The following ALPL variants were observed in gnomAD, a reference collection of about 807,000 sequenced individuals.
The protein encoded by ALPL is alkaline phosphatase, biomineralization associated.
ALPL carries 42 observed loss-of-function variants against 51.3 expected under a neutral mutation model. The ratio of observed to expected loss-of-function variants is 0.82; its 90% confidence interval spans 0.64 to 1.06. The LOEUF is 1.06. Among genes scored for constraint, ALPL ranks in the 50% least tolerant of loss-of-function variants. The pLI is 0.00. For missense variants in ALPL, 589 were observed against 709.4 expected (o/e 0.83, Z 1.93); for synonymous variants, 279 against 296.4 (o/e 0.94, Z 0.60).
rs1277290744 is a variant in ALPL at position 21,578,167 on chromosome 1, A to C, written c.*519A>C. On this transcript the variant is annotated 3_prime_UTR_variant, in exon 12 of 12. Transcript: ENST00000374840. This position sits in a 1 kb window ranked among gnomAD's most constrained non-coding sequence, Gnocchi z 4.2. ...AGGACAAGGCCTTGCTCACTCACTC[A>C]CTCCAAGACCACCAGGGTCCCAGGA... 6.4e-6 allele frequency: 1 copy of C among 156,450 alleles called. No individual in the cohort carries two copies. Among genetic ancestry groups the C allele is most frequent in the Admixed American group, 6.1e-5 (1 of 16,298 alleles). The allele number at this position is 156,450 out of a possible 1,614,324, so 9.7% of individuals were successfully genotyped here.
At chr1:21,542,607 C>T (rs983684815) in intron 1 of ALPL, among the ~76,000 whole-genome samples, 4 of 152,084 alleles carry the variant, frequency 2.6e-5, no homozygotes, top group South Asian at 2.1e-4. Flanking sequence ...TTTGGGAGGC[C>T]GAGGCGGGCG....
intron 1 of ALPL, among the ~76,000 whole-genome samples, chr1:21,545,302 T>TG (rs1644239846): frequency 1.3e-5 from 2 of 152,076 alleles, no homozygotes; most frequent in African/African-American, 4.8e-5. Flanking sequence ...TGTTTTTGTT[T>TG]TTTTTTAAGA....
intron 10 of ALPL, 44 bp from the exon 11 acceptor site, chr1:21,576,477 TC>T: frequency 6.2e-7 from 1 of 1,608,028 alleles, no homozygotes; most frequent in African/African-American, 1.3e-5. Flanking sequence ...GGGACTGTAC[TC>T]CTGGGGCCCC....
rs577117068 is a variant in ALPL, at chr1:21,510,133, C to T, written c.-105+616C>T. ...TGGGCACCGCAGCTGTGGGGCAAAG[C>T]TCTGGAGCCCGCGAAGCCGAAGGAG... On this transcript the variant is annotated intron_variant, in intron 1 of 11. Transcript: ENST00000374840. 4.6e-5 allele frequency among the ~76,000 whole-genome samples: 7 copies of T among 152,260 alleles called. No homozygotes were observed. In the East Asian group the frequency reaches 1.4e-3, roughly 30 times the overall value.
At chr1:21,560,259 C>T (rs1570267653) in intron 2 of ALPL, among the ~76,000 whole-genome samples, 1 of 152,226 alleles carries the variant, frequency 6.6e-6, no homozygotes, top group Admixed American at 6.5e-5. Flanking sequence ...TAGCACAATT[C>T]ATTTGCTGCC....
intron 1 of ALPL, among the ~76,000 whole-genome samples, chr1:21,544,266 C>T (rs1223365408): frequency 6.6e-6 from 1 of 152,236 alleles, no homozygotes; most frequent in African/African-American, 2.4e-5. Context: ...CCCAGCAACA[C>T]ACACCTGGGA....
chr1:21,536,845 C>T (rs531400868), intron 1 of ALPL, among the ~76,000 whole-genome samples: 31 of 151,152 alleles, frequency 2.1e-4, no homozygotes, highest in African/African-American at 7.0e-4. Flanking sequence ...AGTGGAGAGC[C>T]GTAGAAACTT....
At chr1:21,533,369 C>G (rs1391415820) in intron 1 of ALPL, among the ~76,000 whole-genome samples, 1 of 152,220 alleles carries the variant, frequency 6.6e-6, no homozygotes, top group East Asian at 1.9e-4. Context: ...CATCTCCTTT[C>G]AGTTTGGTAG....
intron 1 of ALPL, chr1:21,551,488 G>A (rs1467544184): frequency 6.6e-6 from 1 of 151,846 alleles, no homozygotes; most frequent in Non-Finnish European, 1.5e-5. Flanking sequence ...TTCGTATTCA[G>A]TTAATAACAT....
In ALPL at chr1:21,522,556, T is replaced by C. The variant is rs535065353; in HGVS notation, c.-105+13039T>C. ...CATGTGTGTTCCAAATAACATAATA[T>C]GGGAACCACCTCCCCTACCAGCCTC... On this transcript the variant is annotated intron_variant, in intron 1 of 11. Coordinates refer to ENST00000374840, the MANE Select transcript of ALPL (RefSeq NM_000478.6). Among the ~76,000 whole-genome samples, 12 of 152,280 alleles carry C rather than the reference T, an allele frequency of 7.9e-5. 1 individual carries two copies. The South Asian group carries it at 2.5e-3, about 32-fold the overall frequency.
chr1:21,539,140 A>T lies in ALPL; in HGVS notation c.-104-14838A>T, dbSNP rs542910282. On this transcript the variant is annotated intron_variant, in intron 1 of 11. Coordinates refer to ENST00000374840, the MANE Select transcript of ALPL (RefSeq NM_000478.6). ...GTCTTGCCTCCTGTTTGAGGAGTTT[A>T]TGCTTAGTCCTGGGAGACAGAAACA... is the stretch of plus-strand genomic sequence containing the variant. 7.2e-5 allele frequency among the ~76,000 whole-genome samples: 11 copies of T among 152,256 alleles called. No homozygotes were observed. The East Asian group carries it at 1.5e-3, about 21-fold the overall frequency.
In ALPL at chr1:21,520,494, G is replaced by T. The variant is rs1301736985; in HGVS notation, c.-105+10977G>T. Among the ~76,000 whole-genome samples the T allele has an allele frequency of 6.7e-5, 9 of 134,738 alleles. No individual in the cohort carries two copies. In the Admixed American group the frequency reaches 7.4e-4, roughly 11 times the overall value. The allele number at this position is 134,738 out of a possible 152,430, so 88.4% of individuals were successfully genotyped here. On this transcript the variant is annotated intron_variant, in intron 1 of 11. Transcript: ENST00000374840. ...TTTTTTTTTTTTTTTTTGAGACGGA[G>T]TCTCGCCCTGTCGCCCAGGATGGAG...
At chr1:21,575,679 A>G (rs1207043328) in intron 9 of ALPL, 54 bp from the exon 10 acceptor site, 6 of 1,603,082 alleles carry the variant, frequency 3.7e-6, no homozygotes, top group Non-Finnish European at 5.1e-6. Flanking sequence ...GGGGCTGGGG[A>G]GCAGATCTTC....
chr1:21,566,538 G>A (rs890423851), intron 6 of ALPL, among the ~76,000 whole-genome samples: 8 of 152,008 alleles, frequency 5.3e-5, no homozygotes, highest in Non-Finnish European at 1.2e-4. Context: ...TGATCCGCCC[G>A]TTTTGGCCTC....
At chr1:21,571,074 G>A (rs1032008091) in intron 8 of ALPL, among the ~76,000 whole-genome samples, 2 of 152,172 alleles carry the variant, frequency 1.3e-5, no homozygotes, top group African/African-American at 2.4e-5. Flanking sequence ...TGGGTCACAT[G>A]GCACACACCC....
chr1:21,526,978 A>AT (rs1643952606), intron 1 of ALPL, among the ~76,000 whole-genome samples: 1 of 145,466 alleles, frequency 6.9e-6, no homozygotes, highest in South Asian at 2.1e-4. Context: ...TTTTTAAAAA[A>AT]TTGTCTAATT....
intron 2 of ALPL, among the ~76,000 whole-genome samples, chr1:21,555,622 T>G (rs1015302154): frequency 6.6e-6 from 1 of 152,166 alleles, no homozygotes; most frequent in Non-Finnish European, 1.5e-5. Context: ...TTCATCATGT[T>G]GGCCAGGCTG....
At chr1:21,554,851 TTCTTTCTTTC>T (rs1282529849) in intron 2 of ALPL, among the ~76,000 whole-genome samples, 14 of 135,492 alleles carry the variant, frequency 1.0e-4, no homozygotes, top group African/African-American at 3.9e-4. Context: ...CTTTCTTTCT[TTCTTTCTTTC>T]TTTCTTTCTT....
intron 1 of ALPL, among the ~76,000 whole-genome samples, chr1:21,537,685 C>T (rs1289051502): frequency 6.6e-6 from 1 of 152,188 alleles, no homozygotes; most frequent in Non-Finnish European, 1.5e-5. Flanking sequence ...CGAGGTTGTC[C>T]TGGCATGTGA....
Sources: allele counts gnomAD v4.1 joint callset (sites outside exome capture counted in the v4.1 genomes callset), GRCh38; gene constraint gnomAD v4.1.1; non-coding constraint Gnocchi (gnomAD v3.1); transcripts MANE v1.5; gene names NCBI Gene and HGNC (gene_info 2026-07-23, HGNC 2026-07-21).